LTBP1: variants seen among roughly 807,000 people sequenced by gnomAD.
LTBP1 encodes latent-transforming growth factor beta-binding protein 1.
In LTBP1, 129 loss-of-function variants were observed where a neutral mutation model predicts 207.6. The observed-to-expected ratio is 0.62, with a 90% CI of 0.54 to 0.72. The LOEUF (loss-of-function observed/expected upper bound fraction) is 0.72. LTBP1 is among the 30% of genes least tolerant of loss of function. The probability of loss-of-function intolerance (pLI) is 0.00; values close to 1 mark genes in which losing one functional copy is unlikely to be tolerated. For synonymous variants in LTBP1, 963 were observed against 833.7 expected, an observed-to-expected ratio of 1.16 and a Z score of -2.67; for missense variants, 2,281 against 2,217.2, an observed-to-expected ratio of 1.03 and a Z score of -0.58.
chr2:33,038,182 C>T (rs2076015411), intron 3 of LTBP1, among the ~76,000 whole-genome samples: 1 of 152,226 alleles, frequency 6.6e-6, no homozygotes, highest in African/African-American at 2.4e-5. Flanking sequence ...GCCAAACCAA[C>T]ATAAAGGCGA....
chr2:33,140,863 T>A (rs1409693114), intron 5 of LTBP1, among the ~76,000 whole-genome samples: 2 of 152,192 alleles, frequency 1.3e-5, no homozygotes, highest in East Asian at 3.9e-4. Context: ...GAGACGGGGT[T>A]TCACTATGTT....
intron 7 of LTBP1, among the ~76,000 whole-genome samples, chr2:33,212,001 A>T (rs775073402): frequency 2.0e-5 from 3 of 152,232 alleles, no homozygotes; most frequent in Non-Finnish European, 4.4e-5. Flanking sequence ...CAAGATTTAG[A>T]TACATACATT....
intron 15 of LTBP1, among the ~76,000 whole-genome samples, chr2:33,265,261 C>A (rs1001954630): frequency 1.6e-4 from 25 of 152,182 alleles, no homozygotes; most frequent in African/African-American, 5.8e-4. Context: ...TTAACCTTCA[C>A]AGAGTATAAA....
chr2:33,300,345 A>T, intron 20 of LTBP1, 106 bp from the exon 21 acceptor site: 1 of 1,102,446 alleles, frequency 9.1e-7, no homozygotes, highest in Non-Finnish European at 1.3e-6. Context: ...CAGACATAAG[A>T]AGTACTATTA....
intron 20 of LTBP1, among the ~76,000 whole-genome samples, chr2:33,299,889 T>C (rs3754830): frequency 0.034 from 5,034 of 149,918 alleles, 254 homozygotes; most frequent in East Asian, 0.18. Context: ...ACTTTCTCCT[T>C]TGGTATTCAG....
chr2:33,155,582 A>C (rs60616050), intron 5 of LTBP1, among the ~76,000 whole-genome samples: 1 of 151,872 alleles, frequency 6.6e-6, no homozygotes, highest in Non-Finnish European at 1.5e-5. Context: ...GTCTTTACCT[A>C]TTAGATTCAA....
chr2:33,243,661 G>T lies in LTBP1; in HGVS notation c.1877-1G>T. Reference sequence around the variant, plus strand: ...TTCTAAAGAATTGTGTTTTCCTGCAGATATTAATGAATGTCAGCTACAAGG... The same window carrying T: ...TTCTAAAGAATTGTGTTTTCCTGCATATATTAATGAATGTCAGCTACAAGG... On this transcript the variant is annotated splice_acceptor_variant, in intron 9 of 33. Transcript: ENST00000404816. LOFTEE classifies it high-confidence loss of function. 6.2e-7 allele frequency: 1 copy of T among 1,613,670 alleles called. No individual in the cohort carries two copies. Among genetic ancestry groups the T allele is most frequent in the South Asian group, 1.1e-5 (1 of 90,990 alleles).
At chr2:33,077,526 G>C (rs1012730075) in intron 3 of LTBP1, among the ~76,000 whole-genome samples, 1 of 152,084 alleles carries the variant, frequency 6.6e-6, no homozygotes, top group Non-Finnish European at 1.5e-5. Context: ...AAGAGAGAGG[G>C]GGGTGAGGTG....
chr2:32,972,468 G>A (rs887041884), intron 2 of LTBP1, among the ~76,000 whole-genome samples: 11 of 151,982 alleles, frequency 7.2e-5, no homozygotes, highest in South Asian at 2.1e-4. Flanking sequence ...CTTTAGCTAT[G>A]CCCCAGAGAT....
At chr2:33,378,029 A>C (rs886109712) in intron 31 of LTBP1, among the ~76,000 whole-genome samples, 2 of 152,212 alleles carry the variant, frequency 1.3e-5, no homozygotes, top group Admixed American at 1.3e-4. Context: ...ATCAACAAGC[A>C]ATCATATTTA....
intron 2 of LTBP1, among the ~76,000 whole-genome samples, chr2:32,979,879 A>G (rs148187462): frequency 6.6e-6 from 1 of 152,302 alleles, no homozygotes; most frequent in African/African-American, 2.4e-5. Flanking sequence ...GGATGCATAT[A>G]TGCTTACAAT....
chr2:33,387,264 C>T (rs1270852699), intron 31 of LTBP1, among the ~76,000 whole-genome samples: 1 of 152,224 alleles, frequency 6.6e-6, no homozygotes, highest in African/African-American at 2.4e-5. Context: ...GACCTCAGCT[C>T]TTGAAACTTG....
At chr2:33,097,211 T>C (rs2079447268) in intron 3 of LTBP1, among the ~76,000 whole-genome samples, 1 of 152,218 alleles carries the variant, frequency 6.6e-6, no homozygotes, top group East Asian at 1.9e-4. Context: ...AAATTGTGTA[T>C]GTTTATCAGC....
chr2:32,990,056 G>C (rs1684171423), intron 2 of LTBP1, among the ~76,000 whole-genome samples: 1 of 152,172 alleles, frequency 6.6e-6, no homozygotes, highest in Non-Finnish European at 1.5e-5. Context: ...AGTGGGCTAT[G>C]GTCATGCCAC....
At chr2:33,379,397 G>A (rs2095186626) in intron 31 of LTBP1, among the ~76,000 whole-genome samples, 1 of 151,990 alleles carries the variant, frequency 6.6e-6, no homozygotes, top group South Asian at 2.1e-4. Context: ...TTTTATTAGA[G>A]AGAGGGTTTT....
chr2:33,076,508 G>C (rs983907479), intron 3 of LTBP1, among the ~76,000 whole-genome samples: 1 of 151,934 alleles, frequency 6.6e-6, no homozygotes, highest in Non-Finnish European at 1.5e-5. Context: ...AGCGAGGGAG[G>C]GGGTATCATG....
chr2:33,082,510 G>A (rs996489322), intron 3 of LTBP1, among the ~76,000 whole-genome samples: 3 of 136,144 alleles, frequency 2.2e-5, no homozygotes, highest in African/African-American at 5.7e-5. Flanking sequence ...GTGCAGGTGC[G>A]ATCTCGGCTC....
chr2:33,056,575 C>T (rs571078480), intron 3 of LTBP1: 8 of 402,260 alleles, frequency 2.0e-5, no homozygotes, highest in African/African-American at 6.3e-5. Flanking sequence ...AGAGTGAAGC[C>T]GCGGACCCTC....
intron 3 of LTBP1, among the ~76,000 whole-genome samples, chr2:33,057,196 G>A (rs1022026934): frequency 6.6e-6 from 1 of 151,698 alleles, no homozygotes; most frequent in Non-Finnish European, 1.5e-5. Flanking sequence ...GCTAGATACA[G>A]AGTGCCGATT....
Sources: gnomAD v4.1 joint callset for allele counts (sites outside exome capture counted in the v4.1 genomes callset) on GRCh38, gnomAD v4.1.1 for gene constraint, MANE v1.5 for transcripts, NCBI Gene and HGNC (gene_info 2026-07-23, HGNC 2026-07-21) for gene names.